DNAH14: variants seen among roughly 807,000 people sequenced by gnomAD.
DNAH14 encodes axonemal beta dynein heavy chain 14.
In DNAH14, 478 loss-of-function variants were observed where a neutral mutation model predicts 520.9. That is an observed-to-expected ratio of 0.92 (90% CI 0.85 to 0.99). The LOEUF (loss-of-function observed/expected upper bound fraction) is 0.99. DNAH14 is among the 50% of genes least tolerant of loss of function. The pLI is 0.00. For missense variants in DNAH14, 4,831 were observed against 5,234.5 expected, an observed-to-expected ratio of 0.92 and a Z score of 2.38; for synonymous variants, 1,581 against 1,757.2, an observed-to-expected ratio of 0.90 and a Z score of 2.51.
At chr1:225,005,096 AAATTCACCT>A (rs2064063849) in intron 9 of DNAH14, among the ~76,000 whole-genome samples, 1 of 152,188 alleles carries the variant, frequency 6.6e-6, no homozygotes. Flanking sequence ...ATTTTGAATA[AAATTCACCT>A]ATTTGAACAA....
At chr1:225,351,538 T>A in intron 71 of DNAH14, 109 bp from the exon 72 acceptor site, 2 of 541,416 alleles carry the variant, frequency 3.7e-6, no homozygotes, top group Non-Finnish European at 5.8e-6. Context: ...GTAATTTTTA[T>A]ATGAAATAGC....
At chr1:225,311,404 G>A (rs1053079544) in intron 60 of DNAH14, among the ~76,000 whole-genome samples, 1 of 152,122 alleles carries the variant, frequency 6.6e-6, no homozygotes, top group African/African-American at 2.4e-5. Context: ...TAGGCTGCCT[G>A]TTCACTCTGA....
At chr1:225,107,672 T>C (rs1271765128) in intron 23 of DNAH14, among the ~76,000 whole-genome samples, 1 of 152,182 alleles carries the variant, frequency 6.6e-6, no homozygotes, top group Non-Finnish European at 1.5e-5. Context: ...CCGGAATTGC[T>C]GAATCTTATG....
intron 8 of DNAH14, among the ~76,000 whole-genome samples, chr1:224,999,302 G>C (rs1455144238): frequency 6.6e-6 from 1 of 152,068 alleles, no homozygotes; most frequent in African/African-American, 2.4e-5. Flanking sequence ...CGCCTCCCGG[G>C]TTCAAGCCAT....
chr1:225,247,198 G>A (rs1196789759), intron 43 of DNAH14, among the ~76,000 whole-genome samples: 1 of 152,088 alleles, frequency 6.6e-6, no homozygotes, highest in Admixed American at 6.6e-5. Flanking sequence ...GACACAGAGA[G>A]GGGAACATCA....
At chr1:225,290,647 G>GTATATATATA (rs56045354) in intron 55 of DNAH14, among the ~76,000 whole-genome samples, 9 of 57,526 alleles carry the variant, frequency 1.6e-4, no homozygotes, top group Non-Finnish European at 2.2e-4. Flanking sequence ...GTGTGTGTGT[G>GTATATATATA]TATATATATA....
chr1:225,122,958 T>C (rs938731938), intron 26 of DNAH14, among the ~76,000 whole-genome samples: 2 of 152,148 alleles, frequency 1.3e-5, no homozygotes, highest in African/African-American at 4.8e-5. Flanking sequence ...AGATATAGTA[T>C]CAATGATTTA....
rs536946064 is a variant in DNAH14, at chr1:225,076,582, T to C, written c.2425-2625T>C. On this transcript the variant is annotated intron_variant, in intron 17 of 85. Coordinates refer to ENST00000682510, the MANE Select transcript of DNAH14 (RefSeq NM_001367479.1). ...ATTATCTGCAAAGCACTTAAACAGT[T>C]CTTGACCCACATAGTGACACTATGA... 2.6e-5 allele frequency among the ~76,000 whole-genome samples: 4 copies of C among 152,260 alleles called. No individual in the cohort carries two copies. In the East Asian group the frequency reaches 5.8e-4, roughly 22 times the overall value.
chr1:225,169,521 T>C (rs12095635), intron 36 of DNAH14, among the ~76,000 whole-genome samples: 23,469 of 152,078 alleles, frequency 0.15, 2,128 homozygotes, highest in East Asian at 0.36. Flanking sequence ...GTAGCCGATA[T>C]GATCAACTGC....
intron 54 of DNAH14, among the ~76,000 whole-genome samples, chr1:225,283,833 G>A (rs1016945863): frequency 5.9e-5 from 9 of 152,156 alleles, no homozygotes; most frequent in Admixed American, 3.3e-4. Flanking sequence ...TACGAAGTAT[G>A]TTCTTTGACC....
At chr1:225,106,665 A>G (rs954667833) in intron 23 of DNAH14, among the ~76,000 whole-genome samples, 10 of 152,136 alleles carry the variant, frequency 6.6e-5, no homozygotes, top group Non-Finnish European at 1.5e-4. Context: ...CTTCCAGTTG[A>G]TTGAATCGGC....
At position 225,338,202 on chromosome 1, in the gene DNAH14, T is replaced by C. The variant is rs2095101319; in HGVS notation, c.10433+20T>C. 1 of 1,551,852 alleles carries C rather than the reference T, an allele frequency of 6.4e-7. No homozygotes were observed. Among genetic ancestry groups the C allele is most frequent in the Non-Finnish European group, 8.7e-7 (1 of 1,146,902 alleles). On this transcript the variant is annotated intron_variant, in intron 68 of 85. Transcript: ENST00000682510. ...TTTTAGGTAATGTGCCACAGCTAAATTGAGTCAAATGTCTATGCTTTTTAA... is the reference window on the plus strand; with the variant it reads ...TTTTAGGTAATGTGCCACAGCTAAACTGAGTCAAATGTCTATGCTTTTTAA...
At chr1:225,271,040 T>C (rs973043530) in intron 50 of DNAH14, among the ~76,000 whole-genome samples, 174 bp downstream of exon 50, 2 of 152,242 alleles carry the variant, frequency 1.3e-5, no homozygotes, top group African/African-American at 2.4e-5. Context: ...AAAGCATAAG[T>C]TATTGTGTGT....
chr1:224,984,461 C>T (rs1469404362), intron 8 of DNAH14, among the ~76,000 whole-genome samples: 4 of 152,140 alleles, frequency 2.6e-5, no homozygotes, highest in East Asian at 3.8e-4. Context: ...ATTGGAAAAA[C>T]CTTTCTAGAC....
At chr1:225,380,134 ATTC>A in intron 79 of DNAH14, 22 bp from the exon 80 acceptor site, 1 of 1,539,406 alleles carries the variant, frequency 6.5e-7, no homozygotes, top group Non-Finnish European at 8.8e-7. Context: ...TCTGTGTCTC[ATTC>A]TTCTCTTGGT....
intron 10 of DNAH14, among the ~76,000 whole-genome samples, chr1:225,019,985 A>G (rs1019846015): frequency 1.3e-5 from 2 of 152,104 alleles, no homozygotes; most frequent in African/African-American, 4.8e-5. Context: ...CAAAGCCAGC[A>G]GAAAAAAAGA....
intron 71 of DNAH14, among the ~76,000 whole-genome samples, chr1:225,346,995 A>G: frequency 6.6e-6 from 1 of 152,192 alleles, no homozygotes; most frequent in East Asian, 1.9e-4. Flanking sequence ...CTGGTTGAAA[A>G]TTTGAAACAC....
intron 83 of DNAH14, among the ~76,000 whole-genome samples, 186 bp from the exon 84 acceptor site, chr1:225,392,105 G>A (rs1346720193): frequency 1.3e-5 from 2 of 152,158 alleles, no homozygotes; most frequent in East Asian, 3.8e-4. Context: ...CAGCTGGCCA[G>A]ACCAAAGTCA....
chr1:225,130,703 G>A (rs1050183158), intron 27 of DNAH14, among the ~76,000 whole-genome samples: 2 of 138,984 alleles, frequency 1.4e-5, no homozygotes, highest in East Asian at 4.2e-4. Context: ...ATAGCATTAG[G>A]AGATATACCT....
Sources: allele counts gnomAD v4.1 joint callset (sites outside exome capture counted in the v4.1 genomes callset), GRCh38; gene constraint gnomAD v4.1.1; transcripts MANE v1.5; gene names NCBI Gene and HGNC (gene_info 2026-07-23, HGNC 2026-07-21).